HPSE2: variants seen among roughly 807,000 people sequenced by gnomAD.
HPSE2 encodes heparanase 2 (inactive), also known as inactive heparanase-2.
A neutral mutation model predicts 60.5 loss-of-function variants in HPSE2; 38 were observed. The ratio of observed to expected loss-of-function variants is 0.63; its 90% confidence interval spans 0.48 to 0.82. The LOEUF is 0.82. HPSE2 is among the 40% of genes least tolerant of loss of function. The probability of loss-of-function intolerance (pLI) is 0.00; values close to 1 mark genes in which losing one functional copy is unlikely to be tolerated. For missense variants in HPSE2, 713 were observed against 740.4 expected (o/e 0.96, Z 0.43); for synonymous variants, 295 against 293.2 (o/e 1.01, Z -0.06).
rs183166843 is a variant in HPSE2, at chr10:99,195,012, A to G, written c.448+37336T>C. Among the ~76,000 whole-genome samples the G allele has an allele frequency of 2.1e-3, 323 of 152,234 alleles. 1 individual carries two copies. The highest frequency in any genetic ancestry group is 7.3e-3 in the African/African-American group (303 of 41,558). On this transcript the variant is annotated intron_variant, in intron 2 of 11. Transcript: ENST00000370552. Reference sequence around the variant, plus strand: ...AATTCAACCAAGCCAAATAAACAACATATTAAAAAGATCACTCACTCGGAC... The same window carrying G: ...AATTCAACCAAGCCAAATAAACAACGTATTAAAAAGATCACTCACTCGGAC...
chr10:98,568,375 T>G (rs759736433), intron 9 of HPSE2, among the ~76,000 whole-genome samples: 4 of 152,130 alleles, frequency 2.6e-5, no homozygotes, highest in Non-Finnish European at 5.9e-5. Context: ...GTTGTGGGGA[T>G]TCAGTGAGAT....
Position 99,075,094 on chromosome 10 carries a change from C to G in HPSE2, c.610+69144G>C, listed in dbSNP as rs1394396600. ...TTTCTACCTTTGGGCTTAGTTTGTTCTTTTTCTAATTCTTTGAGGTATAAA... is the reference window on the plus strand; with the variant it reads ...TTTCTACCTTTGGGCTTAGTTTGTTGTTTTTCTAATTCTTTGAGGTATAAA... On this transcript the variant is annotated intron_variant, in intron 3 of 11. Transcript: ENST00000370552. Among the ~76,000 whole-genome samples, 3 of 152,036 alleles carry G rather than the reference C, an allele frequency of 2.0e-5. No individual in the cohort carries two copies. The South Asian group carries it at 6.2e-4, about 32-fold the overall frequency.
intron 9 of HPSE2, among the ~76,000 whole-genome samples, chr10:98,502,715 A>G (rs1942066407): frequency 6.6e-6 from 1 of 152,256 alleles, no homozygotes; most frequent in South Asian, 2.1e-4. Context: ...TAATTAAACT[A>G]AAGCGCTTTT....
At chr10:99,283,930 G>C in the HPSE2 span, among the ~76,000 whole-genome samples, 1 of 152,124 alleles carries the variant, frequency 6.6e-6, no homozygotes, top group African/African-American at 2.4e-5. Context: ...TGACTTCACT[G>C]ATGAGTTCTA....
chr10:98,607,738 C>G (rs1180836437), intron 9 of HPSE2, among the ~76,000 whole-genome samples: 1 of 152,060 alleles, frequency 6.6e-6, no homozygotes, highest in Non-Finnish European at 1.5e-5. Context: ...ACTTTTCATC[C>G]TTTAGTCATC....
At chr10:98,964,791 T>G (rs1955773120) in intron 3 of HPSE2, among the ~76,000 whole-genome samples, 2 of 152,188 alleles carry the variant, frequency 1.3e-5, no homozygotes, top group Admixed American at 1.3e-4. Context: ...CAGAACATCT[T>G]TAATTATACG....
At chr10:98,855,105 A>C (rs2134751184) in intron 3 of HPSE2, among the ~76,000 whole-genome samples, 1 of 152,344 alleles carries the variant, frequency 6.6e-6, no homozygotes. Flanking sequence ...CAAAAAGAGA[A>C]GAAATACCTG....
At chr10:99,183,620 G>C (rs1847861792) in intron 2 of HPSE2, among the ~76,000 whole-genome samples, 1 of 152,114 alleles carries the variant, frequency 6.6e-6, no homozygotes, top group Non-Finnish European at 1.5e-5. Context: ...CAGGGTGATG[G>C]ATTTGATGCT....
intron 3 of HPSE2, among the ~76,000 whole-genome samples, chr10:98,812,560 T>A (rs1259726964): frequency 6.6e-6 from 1 of 152,160 alleles, no homozygotes; most frequent in African/African-American, 2.4e-5. Context: ...GCAAGGCACA[T>A]ATGTAATTTA....
the HPSE2 span, among the ~76,000 whole-genome samples, chr10:99,267,356 T>C: frequency 1.4e-4 from 22 of 151,796 alleles, no homozygotes; most frequent in African/African-American, 5.1e-4. Context: ...GTCTCAGCAA[T>C]AGAATCAAAC....
intron 3 of HPSE2, among the ~76,000 whole-genome samples, chr10:98,855,175 C>T (rs1952280777): frequency 6.6e-6 from 1 of 152,192 alleles, no homozygotes; most frequent in Admixed American, 6.5e-5. Context: ...AAGAACTCAG[C>T]TAAGAGGTCC....
At chr10:98,942,675 A>T (rs1753463934) in intron 3 of HPSE2, among the ~76,000 whole-genome samples, 1 of 152,144 alleles carries the variant, frequency 6.6e-6, no homozygotes. Flanking sequence ...CAGTGTGGCG[A>T]TTCCTCAGGG....
intron 3 of HPSE2, among the ~76,000 whole-genome samples, chr10:98,788,975 A>G (rs1399087931): frequency 6.6e-6 from 1 of 151,746 alleles, no homozygotes; most frequent in East Asian, 1.9e-4. Context: ...CTCCTCCTAT[A>G]TCCACTTCTT....
intron 3 of HPSE2, among the ~76,000 whole-genome samples, chr10:98,911,230 T>C (rs1953969859): frequency 6.6e-6 from 1 of 152,198 alleles, no homozygotes; most frequent in Admixed American, 6.5e-5. Flanking sequence ...GCACATTAAT[T>C]GGAGTCAACT....
chr10:98,597,282 G>A (rs1424681250), intron 9 of HPSE2, among the ~76,000 whole-genome samples: 2 of 152,242 alleles, frequency 1.3e-5, no homozygotes, highest in East Asian at 3.9e-4. Flanking sequence ...TCTTTTCCCA[G>A]ATTTGGATAA....
chr10:98,647,705 G>C (rs987028024), intron 6 of HPSE2, among the ~76,000 whole-genome samples: 1 of 152,220 alleles, frequency 6.6e-6, no homozygotes, highest in African/African-American at 2.4e-5. Context: ...AAGGCCCTCA[G>C]CCTGGGCTCC....
intron 3 of HPSE2, among the ~76,000 whole-genome samples, chr10:99,090,890 CA>C (rs568671833): frequency 9.2e-5 from 14 of 152,204 alleles, no homozygotes; most frequent in Middle Eastern, 6.8e-3. Flanking sequence ...ATAAGTTCCT[CA>C]GGTAATTCTT....
At chr10:98,466,585 T>C (rs1482183360) in intron 11 of HPSE2, among the ~76,000 whole-genome samples, 1 of 140,644 alleles carries the variant, frequency 7.1e-6, no homozygotes, top group South Asian at 2.2e-4. Context: ...CACTCCAGCA[T>C]AGGTGACAGA....
intron 9 of HPSE2, among the ~76,000 whole-genome samples, chr10:98,507,780 C>T (rs1942251811): frequency 1.3e-5 from 2 of 152,052 alleles, no homozygotes; most frequent in Admixed American, 1.3e-4. Context: ...CTTTCCTTCC[C>T]TTCTTCCCTC....
Sources: allele counts gnomAD v4.1 joint callset (sites outside exome capture counted in the v4.1 genomes callset), GRCh38; gene constraint gnomAD v4.1.1; transcripts MANE v1.5; gene names NCBI Gene and HGNC (gene_info 2026-07-23, HGNC 2026-07-21).